SLC35F1: variants seen among roughly 807,000 people sequenced by gnomAD.
The protein encoded by SLC35F1 is chromosome 6 open reading frame 169.
Under a neutral mutation model 48.7 loss-of-function variants are expected in SLC35F1, and 14 were observed. The observed-to-expected ratio is 0.29, with a 90% CI of 0.19 to 0.45. The LOEUF (loss-of-function observed/expected upper bound fraction) is 0.45, where lower values mean the gene tolerates loss of function less well. Among genes scored for constraint, SLC35F1 ranks in the 20% least tolerant of loss-of-function variants. SLC35F1 has a pLI of 1.00. For missense variants in SLC35F1, 404 were observed against 500.0 expected (o/e 0.81, Z 1.83); for synonymous variants, 190 against 202.2 (o/e 0.94, Z 0.51).
intron 1 of SLC35F1, among the ~76,000 whole-genome samples, chr6:118,026,743 GA>G (rs764718603): frequency 1.2e-4 from 18 of 152,262 alleles, no homozygotes; most frequent in Middle Eastern, 3.4e-3. Context: ...AGTTTGGGAT[GA>G]AAAAACTAAA....
At chr6:118,051,656 A>G (rs1772393803) in intron 1 of SLC35F1, among the ~76,000 whole-genome samples, 1 of 152,168 alleles carries the variant, frequency 6.6e-6, no homozygotes, top group South Asian at 2.1e-4. Flanking sequence ...AACATATGTG[A>G]AAAAAATGGA....
At chr6:117,959,144 T>G (rs894163930) in intron 1 of SLC35F1, among the ~76,000 whole-genome samples, 3 of 152,194 alleles carry the variant, frequency 2.0e-5, no homozygotes, top group African/African-American at 7.2e-5. Flanking sequence ...AGGGCTGTTA[T>G]GAGATCTATC....
At chr6:118,235,186 G>A (rs1166859145) in intron 2 of SLC35F1, among the ~76,000 whole-genome samples, 3 of 151,934 alleles carry the variant, frequency 2.0e-5, no homozygotes, top group African/African-American at 4.8e-5. Flanking sequence ...AGCCTTTCTG[G>A]TACACCTTTC....
At chr6:118,123,305 C>G (rs1773579120) in intron 1 of SLC35F1, among the ~76,000 whole-genome samples, 1 of 152,070 alleles carries the variant, frequency 6.6e-6, no homozygotes, top group Admixed American at 6.6e-5. Flanking sequence ...GCAAATTCAG[C>G]CCAAAGCTTA....
At chr6:118,253,624 G>GTT (rs1775603650) in intron 3 of SLC35F1, among the ~76,000 whole-genome samples, 1 of 151,964 alleles carries the variant, frequency 6.6e-6, no homozygotes, top group Non-Finnish European at 1.5e-5. Context: ...AGAACAAGAT[G>GTT]CATCCACAAA....
intron 1 of SLC35F1, among the ~76,000 whole-genome samples, chr6:118,015,760 G>A (rs1477911938): frequency 6.6e-6 from 1 of 152,092 alleles, no homozygotes; most frequent in African/African-American, 2.4e-5. Flanking sequence ...TGTTTTCCCA[G>A]CAGGAAATAC....
chr6:118,070,883 T>C (rs1171035748), intron 1 of SLC35F1, among the ~76,000 whole-genome samples: 3 of 92,788 alleles, frequency 3.2e-5, no homozygotes, highest in East Asian at 3.1e-4. Context: ...TGTATATATA[T>C]ACATAGTAAA....
At chr6:118,302,490 A>G (rs890526715) in intron 7 of SLC35F1, among the ~76,000 whole-genome samples, 1 of 152,212 alleles carries the variant, frequency 6.6e-6, no homozygotes, top group African/African-American at 2.4e-5. Flanking sequence ...TTCAAGTTAC[A>G]GGTCTTTTTA....
At chr6:118,112,805 C>G (rs1439017747) in intron 1 of SLC35F1, among the ~76,000 whole-genome samples, 1 of 151,760 alleles carries the variant, frequency 6.6e-6, no homozygotes, top group Non-Finnish European at 1.5e-5. Context: ...GGAAGACAAC[C>G]AAAAAACAAC....
At chr6:117,980,021 G>A (rs1776756577) in intron 1 of SLC35F1, among the ~76,000 whole-genome samples, 1 of 152,250 alleles carries the variant, frequency 6.6e-6, no homozygotes, top group Non-Finnish European at 1.5e-5. Flanking sequence ...TTCTACCCGT[G>A]TTGAGTTTGA....
Position 118,277,534 on chromosome 6 carries a change from G to T in SLC35F1, c.835G>T (p.Asp279Tyr). Reference sequence around the variant, plus strand: ...TAAGGAACTGTTGAAGGTGCCCTGGGACTGGCAAATAGGTAAGGAGTTGGC... The same window carrying T: ...TAAGGAACTGTTGAAGGTGCCCTGGTACTGGCAAATAGGTAAGGAGTTGGC... ...EHKELLKVPWDWQIGLLYVGF... is the reference protein window; with the variant it reads ...EHKELLKVPWYWQIGLLYVGF... Residue 279 changes from aspartate to tyrosine, a missense_variant, in exon 6 of 8, where the codon GAC (aspartate) becomes TAC (tyrosine). Asp to Tyr is a radical substitution (Grantham distance 160, BLOSUM62 -3). Transcript: ENST00000360388. 2 of 1,614,010 alleles carry T rather than the reference G, an allele frequency of 1.2e-6. No homozygotes were observed. Among genetic ancestry groups the T allele is most frequent in the East Asian group, 2.2e-5 (1 of 44,880 alleles).
intron 1 of SLC35F1, among the ~76,000 whole-genome samples, chr6:118,117,231 T>C (rs1272977374): frequency 6.6e-6 from 1 of 152,220 alleles, no homozygotes; most frequent in African/African-American, 2.4e-5. Context: ...TTTTAAATAT[T>C]GTCAACCTTA....
At chr6:118,119,499 CCCT>C (rs1436867611) in intron 1 of SLC35F1, among the ~76,000 whole-genome samples, 2 of 74,614 alleles carry the variant, frequency 2.7e-5, no homozygotes, top group Admixed American at 2.1e-4. Flanking sequence ...CCGGCGCCCC[CCCT>C]CCACCCCGCT....
intron 1 of SLC35F1, among the ~76,000 whole-genome samples, chr6:117,950,229 T>C (rs9374691): frequency 0.2 from 30,160 of 152,166 alleles, 3,254 homozygotes; most frequent in East Asian, 0.3. Context: ...AATAAGATGA[T>C]TGGGGGCCCA....
intron 1 of SLC35F1, among the ~76,000 whole-genome samples, chr6:117,993,035 A>G (rs1416429556): frequency 1.3e-5 from 2 of 152,224 alleles, no homozygotes; most frequent in African/African-American, 4.8e-5. Flanking sequence ...GACCCCGTTT[A>G]TCACAAGGGA....
chr6:118,035,848 G>A (rs539961841), intron 1 of SLC35F1, among the ~76,000 whole-genome samples: 1 of 148,432 alleles, frequency 6.7e-6, no homozygotes, highest in Non-Finnish European at 1.5e-5. Context: ...CCCCAACCAC[G>A]CCCGGCTAAT....
chr6:117,980,202 A>G (rs956092040), intron 1 of SLC35F1, among the ~76,000 whole-genome samples: 2 of 152,180 alleles, frequency 1.3e-5, no homozygotes, highest in Admixed American at 1.3e-4. Flanking sequence ...AGAAATCTAC[A>G]TAAGTAAACC....
intron 1 of SLC35F1, among the ~76,000 whole-genome samples, chr6:117,974,064 C>G (rs1465437277): frequency 6.6e-6 from 1 of 152,144 alleles, no homozygotes; most frequent in African/African-American, 2.4e-5. Flanking sequence ...TGGTTTGAAT[C>G]CTGGCTCTGC....
intron 1 of SLC35F1, among the ~76,000 whole-genome samples, chr6:118,149,387 C>T (rs544446200): frequency 2.0e-5 from 3 of 152,250 alleles, no homozygotes; most frequent in South Asian, 2.1e-4. Context: ...TACAACACAT[C>T]GCCAAATGGA....
Sources: gnomAD v4.1 joint callset for allele counts (sites outside exome capture counted in the v4.1 genomes callset) on GRCh38, gnomAD v4.1.1 for gene constraint, MANE v1.5 for transcripts, NCBI Gene and HGNC (gene_info 2026-07-23, HGNC 2026-07-21) for gene names.